GRIA3: variants seen among roughly 807,000 people sequenced by gnomAD.
GRIA3 encodes glutamate ionotropic receptor AMPA type subunit 3, also known as glutamate receptor 3.
In GRIA3, 3 loss-of-function variants were observed where a neutral mutation model predicts 63.0. The observed-to-expected ratio is 0.05, with a 90% confidence interval of 0.02 to 0.12. GRIA3 has a LOEUF of 0.12. GRIA3 is among the 10% of genes least tolerant of loss of function. The pLI is 1.00. For synonymous variants in GRIA3, 274 were observed against 257.9 expected (o/e 1.06, Z -0.60); for missense variants, 347 against 700.9 (o/e 0.50, Z 5.70).
chrX:123,283,469 G>A (rs1463245200), intron 3 of GRIA3, among the ~76,000 whole-genome samples: 1 of 111,649 alleles, frequency 9.0e-6, no homozygotes, highest in Non-Finnish European at 1.9e-5. Context: ...CCACCCTCAT[G>A]GAGCCCAGCA....
chrX:123,380,044 T>C (rs1274297468), intron 5 of GRIA3, among the ~76,000 whole-genome samples: 1 of 110,836 alleles, frequency 9.0e-6, no homozygotes, highest in East Asian at 2.8e-4. Flanking sequence ...AGTCTATCAC[T>C]GATGGACATT....
At chrX:123,357,477 T>C (rs1244896807) in intron 5 of GRIA3, among the ~76,000 whole-genome samples, 1 of 105,584 alleles carries the variant, frequency 9.5e-6, no homozygotes, top group Non-Finnish European at 1.9e-5. Flanking sequence ...CATCTGTGGG[T>C]TATATGAGAT....
At chrX:123,380,452 AG>A (rs1196783451) in intron 5 of GRIA3, among the ~76,000 whole-genome samples, 1 of 112,038 alleles carries the variant, frequency 8.9e-6, no homozygotes, top group Non-Finnish European at 1.9e-5. Context: ...TCTTTTGAGA[AG>A]GGACTGTTCA....
intron 3 of GRIA3, among the ~76,000 whole-genome samples, chrX:123,285,577 C>CAAAAAA (rs59101106): frequency 4.9e-4 from 5 of 10,171 alleles, no homozygotes; most frequent in Non-Finnish European, 7.9e-4. Context: ...AAATGAAAAG[C>CAAAAAA]AAAAAAAAAA....
intron 3 of GRIA3, chrX:123,253,795 GA>G: frequency 9.4e-6 from 3 of 318,969 alleles, no homozygotes; most frequent in Admixed American, 1.0e-4. Context: ...CACCATAGTT[GA>G]AAAAGAACGC....
At chrX:123,237,935 G>A (rs755801310) in intron 2 of GRIA3, among the ~76,000 whole-genome samples, 1 of 111,964 alleles carries the variant, frequency 8.9e-6, no homozygotes, top group Admixed American at 9.4e-5. Context: ...GGACTCAGCT[G>A]TTCCGTGTTG....
At chrX:123,446,420 C>G (rs2045703468) in intron 12 of GRIA3, among the ~76,000 whole-genome samples, 1 of 111,611 alleles carries the variant, frequency 9.0e-6, no homozygotes, top group Admixed American at 9.5e-5. Flanking sequence ...TGCAGATTGC[C>G]TTCAGGTGGA....
intron 5 of GRIA3, among the ~76,000 whole-genome samples, chrX:123,390,723 T>A (rs771499823): frequency 3.6e-5 from 4 of 112,023 alleles, no homozygotes; most frequent in Non-Finnish European, 7.5e-5. Context: ...GTTAAATAGG[T>A]TTTTTATCAC....
intron 5 of GRIA3, among the ~76,000 whole-genome samples, chrX:123,373,662 G>T (rs2045264372): frequency 8.9e-6 from 1 of 111,953 alleles, no homozygotes; most frequent in South Asian, 3.7e-4. Flanking sequence ...CTTTTGAGAA[G>T]GGTCTGTTCA....
At chrX:123,202,966 C>G (rs1305206992) in intron 2 of GRIA3, among the ~76,000 whole-genome samples, 1 of 111,964 alleles carries the variant, frequency 8.9e-6, no homozygotes. Context: ...ACCCCTTAGC[C>G]CAGAGTTGGT....
intron 3 of GRIA3, among the ~76,000 whole-genome samples, chrX:123,308,431 T>A (rs1473572035): frequency 8.9e-6 from 1 of 111,883 alleles, no homozygotes; most frequent in Admixed American, 9.5e-5. Flanking sequence ...GATATGCTGA[T>A]GTAGAGGCCA....
At position 123,253,480 on chromosome X, in the gene GRIA3, T is replaced by C; in HGVS notation, c.446T>C (p.Ile149Thr). ...IQMRPALKGA[I>T]LSLLGHYKWE... ...ATGCGCCCAGCCTTGAAGGGCGCTA[T>C]TCTGAGTCTTCTGGGTCATTACAAG... The change falls in exon 3 of 16, where the codon ATT (isoleucine) becomes ACT (threonine). Residue 149 changes from isoleucine (I) to threonine (T), a missense_variant. Ile to Thr is a moderately conservative substitution (Grantham distance 89). Around this residue, in one of 8 missense-constraint regions of GRIA3, gnomAD observed 113 missense variants for 130.6 expected, o/e 0.87. Transcript: ENST00000620443. 1 of 1,206,702 alleles carries C rather than the reference T, an allele frequency of 8.3e-7. No individual in the cohort carries two copies. The highest frequency in any genetic ancestry group is 1.8e-5 in the South Asian group (1 of 56,839).
chrX:123,326,078 A>G lies in GRIA3; in HGVS notation c.561A>G (p.Gln187=), dbSNP rs749200002. The G allele has an allele frequency of 3.3e-6, 4 of 1,208,514 alleles. No individual in the cohort carries two copies. The highest frequency in any genetic ancestry group is 4.5e-6 in the Non-Finnish European group (4 of 892,380). Residue 187 remains glutamine, a synonymous_variant, in exon 4 of 16, where the codon CAA becomes CAG. Coordinates refer to ENST00000620443, the MANE Select transcript of GRIA3 (RefSeq NM_007325.5). ...IMEAAVQNNW[Q]VTARSVGNIK... is the part of the protein sequence containing the mutation. ...AAGCAGCAGTGCAAAACAACTGGCA[A>G]GTAACAGCAAGGTCTGTGGGAAACA...
chrX:123,461,814 T>C (rs1432473161), intron 12 of GRIA3, among the ~76,000 whole-genome samples: 1 of 109,933 alleles, frequency 9.1e-6, no homozygotes, highest in Non-Finnish European at 1.9e-5. Context: ...GTAATGAGAA[T>C]GAAAAGAAGA....
chrX:123,338,933 G>T (rs2044992080), intron 4 of GRIA3, among the ~76,000 whole-genome samples: 1 of 112,306 alleles, frequency 8.9e-6, no homozygotes, highest in African/African-American at 3.2e-5. Context: ...ATAGTAAATG[G>T]TATGGTTTCT....
chrX:123,241,763 G>C (rs148717472), intron 2 of GRIA3, among the ~76,000 whole-genome samples: 18 of 111,296 alleles, frequency 1.6e-4, no homozygotes, highest in African/African-American at 5.5e-4. Context: ...GTCATAGACA[G>C]GTGGGATGCA....
chrX:123,198,546 C>T (rs1435324297), intron 2 of GRIA3, among the ~76,000 whole-genome samples: 7 of 111,592 alleles, frequency 6.3e-5, no homozygotes, highest in African/African-American at 2.3e-4. Context: ...AACCTGTATG[C>T]CCTGTGAATT....
intron 1 of GRIA3, among the ~76,000 whole-genome samples, chrX:123,185,500 G>T (rs1300683577): frequency 1.1e-5 from 1 of 87,891 alleles, no homozygotes; most frequent in Non-Finnish European, 2.2e-5. Flanking sequence ...CGGATGGGCG[G>T]GGGGCGGAGG....
chrX:123,447,386 C>T (rs753266705), intron 12 of GRIA3, among the ~76,000 whole-genome samples: 8 of 112,317 alleles, frequency 7.1e-5, no homozygotes, highest in African/African-American at 2.6e-4. Context: ...TACGATTCAA[C>T]ATGGCTTCCT....
Sources: gnomAD v4.1 joint callset for allele counts (sites outside exome capture counted in the v4.1 genomes callset) on GRCh38, gnomAD v4.1.1 for gene constraint, gnomAD v4.1.1 regional missense constraint, MANE v1.5 for transcripts, NCBI Gene and HGNC (gene_info 2026-07-23, HGNC 2026-07-21) for gene names.